Variants in WDR70 observed in about 807,000 individuals in gnomAD.
WDR70 encodes WD repeat-containing protein 70.
Under a neutral mutation model 88.6 loss-of-function variants are expected in WDR70, and 53 were observed. The ratio of observed to expected loss-of-function variants is 0.60; its 90% CI spans 0.48 to 0.75. WDR70 has a LOEUF of 0.75. Ranked by LOEUF, WDR70 falls within the 30% of genes least tolerant of loss-of-function variation. WDR70 has a pLI of 0.00. For synonymous variants in WDR70, 280 were observed against 270.0 expected, an observed-to-expected ratio of 1.04 and a Z score of -0.36; for missense variants, 610 against 823.2, an observed-to-expected ratio of 0.74 and a Z score of 3.17.
intron 10 of WDR70, among the ~76,000 whole-genome samples, chr5:37,695,869 G>A (rs1275610243): frequency 6.6e-6 from 1 of 152,074 alleles, no homozygotes; most frequent in Non-Finnish European, 1.5e-5. Flanking sequence ...TAAAAATTCG[G>A]CTTACCACAG....
chr5:37,629,214 T>G (rs1202071024), intron 10 of WDR70, among the ~76,000 whole-genome samples: 1 of 152,196 alleles, frequency 6.6e-6, no homozygotes, highest in African/African-American at 2.4e-5. Flanking sequence ...TGGAATTCTT[T>G]GTCTTTTACT....
intron 9 of WDR70, among the ~76,000 whole-genome samples, chr5:37,537,835 A>G (rs1437609939): frequency 2.6e-5 from 4 of 152,290 alleles, no homozygotes; most frequent in South Asian, 2.1e-4. Flanking sequence ...TTTCCTTCAT[A>G]CTGGAAAACT....
At chr5:37,511,925 T>C (rs1001701883) in intron 8 of WDR70, among the ~76,000 whole-genome samples, 4 of 152,202 alleles carry the variant, frequency 2.6e-5, no homozygotes, top group African/African-American at 7.2e-5. Flanking sequence ...TATTTACAGT[T>C]CTTTTGGTCT....
intron 3 of WDR70, among the ~76,000 whole-genome samples, chr5:37,390,177 G>A (rs1324269288): frequency 6.6e-6 from 1 of 150,850 alleles, no homozygotes; most frequent in Non-Finnish European, 1.5e-5. Context: ...TTATCAGAGG[G>A]AAAAAAGTTA....
intron 7 of WDR70, among the ~76,000 whole-genome samples, chr5:37,469,008 C>T (rs1293631021): frequency 5.3e-5 from 8 of 152,116 alleles, no homozygotes; most frequent in African/African-American, 1.9e-4. Context: ...ATAGTCCTAT[C>T]CTCACAGAAC....
intron 9 of WDR70, among the ~76,000 whole-genome samples, chr5:37,593,262 C>G (rs1445066019): frequency 6.6e-6 from 1 of 152,168 alleles, no homozygotes; most frequent in African/African-American, 2.4e-5. Context: ...CACCCATGAA[C>G]ACGTCATTTA....
chr5:37,502,377 T>G (rs1448784313), intron 8 of WDR70, among the ~76,000 whole-genome samples: 1 of 152,160 alleles, frequency 6.6e-6, no homozygotes, highest in Non-Finnish European at 1.5e-5. Context: ...GAGGTGGGGA[T>G]TCTTTTCAAC....
chr5:37,692,468 A>C (rs1746828639), intron 10 of WDR70, among the ~76,000 whole-genome samples: 1 of 152,218 alleles, frequency 6.6e-6, no homozygotes. Flanking sequence ...AATCCTCAGT[A>C]AAATACTGGC....
At chr5:37,662,384 A>G (rs937129421) in intron 10 of WDR70, among the ~76,000 whole-genome samples, 1 of 152,164 alleles carries the variant, frequency 6.6e-6, no homozygotes, top group Admixed American at 6.5e-5. Flanking sequence ...TTAGATTTCA[A>G]CTTAAGAAAG....
Position 37,535,263 on chromosome 5 carries a change from G to A in WDR70, c.917+18673G>A, listed in dbSNP as rs1281789500. On this transcript the variant is annotated intron_variant, in intron 9 of 17. Coordinates refer to ENST00000265107, the MANE Select transcript of WDR70 (RefSeq NM_018034.4). Reference sequence around the variant, plus strand: ...TTGAGGCTTAAATTATGCAAAGGAGGCAGCCACAGGGAAAGAACTTTTCCT... The same window carrying A: ...TTGAGGCTTAAATTATGCAAAGGAGACAGCCACAGGGAAAGAACTTTTCCT... Among the ~76,000 whole-genome samples the A allele has an allele frequency of 3.9e-5, 6 of 151,978 alleles. No homozygotes were observed. In the East Asian group the frequency reaches 1.2e-3, roughly 29 times the overall value.
At chr5:37,537,466 A>G (rs1037520409) in intron 9 of WDR70, among the ~76,000 whole-genome samples, 3 of 152,182 alleles carry the variant, frequency 2.0e-5, no homozygotes, top group South Asian at 2.1e-4. Context: ...TTGAGCTATC[A>G]ATATTTAAAA....
intron 8 of WDR70, among the ~76,000 whole-genome samples, chr5:37,482,412 G>A (rs1429409075): frequency 6.6e-6 from 1 of 152,312 alleles, no homozygotes; most frequent in East Asian, 1.9e-4. Flanking sequence ...AGATGGAAAA[G>A]CATGTCTCAC....
intron 9 of WDR70, among the ~76,000 whole-genome samples, chr5:37,543,514 A>AAG (rs138919832): frequency 6.6e-6 from 1 of 151,372 alleles, no homozygotes; most frequent in Non-Finnish European, 1.5e-5. Context: ...TATGGAGAGA[A>AAG]AGAGAGAGAG....
At position 37,660,100 on chromosome 5, in the gene WDR70, GTTAA is replaced by G. The variant is rs566448883; in HGVS notation, c.1093-37549_1093-37546del. ...GGTTTCTAATATTAATCTGTTGATT[GTTAA>G]TTAATCTGTTAATTGATAGAAATCA... On this transcript the variant is annotated intron_variant, in intron 10 of 17. Coordinates refer to ENST00000265107, the MANE Select transcript of WDR70 (RefSeq NM_018034.4). Among the ~76,000 whole-genome samples the G allele has an allele frequency of 3.2e-3, 487 of 152,174 alleles. 1 individual carries two copies. Among genetic ancestry groups the G allele is most frequent in the African/African-American group, 0.01 (423 of 41,542 alleles).
At chr5:37,559,861 C>A (rs1432131193) in intron 9 of WDR70, among the ~76,000 whole-genome samples, 1 of 148,542 alleles carries the variant, frequency 6.7e-6, no homozygotes, top group Non-Finnish European at 1.5e-5. Flanking sequence ...AAAAAAAAAA[C>A]TTTTTGAAAG....
intron 7 of WDR70, chr5:37,479,567 C>T (rs1160473498): frequency 1.5e-5 from 4 of 262,898 alleles, no homozygotes; most frequent in Non-Finnish European, 2.9e-5. Context: ...GATGGGGTTT[C>T]ACCATGTTGG....
At position 37,753,334 on chromosome 5, in the gene WDR70, A is replaced by G. The variant is rs1360430810; in HGVS notation, c.*761A>G. 1 of 152,208 alleles carries G rather than the reference A, an allele frequency of 6.6e-6. No homozygotes were observed. Among genetic ancestry groups the G allele is most frequent in the Non-Finnish European group, 1.5e-5 (1 of 68,032 alleles). 9.4% of individuals were successfully genotyped at this position (152,208 alleles called of 1,614,324 possible). ...TTTGCTATTTTAAAATAGGGCTAATATTTACTTTGCTTGGTTTTTATCAGT... is the reference window on the plus strand; with the variant it reads ...TTTGCTATTTTAAAATAGGGCTAATGTTTACTTTGCTTGGTTTTTATCAGT... On this transcript the variant is annotated 3_prime_UTR_variant, in exon 18 of 18. Coordinates refer to ENST00000265107, the MANE Select transcript of WDR70 (RefSeq NM_018034.4).
At chr5:37,532,347 A>C (rs1023783562) in intron 9 of WDR70, among the ~76,000 whole-genome samples, 1 of 152,192 alleles carries the variant, frequency 6.6e-6, no homozygotes, top group Non-Finnish European at 1.5e-5. Flanking sequence ...ATTCCCTCAA[A>C]TATGTTTTCC....
chr5:37,591,930 A>G (rs1315222214), intron 9 of WDR70, among the ~76,000 whole-genome samples: 4 of 152,250 alleles, frequency 2.6e-5, no homozygotes, highest in Non-Finnish European at 5.9e-5. Flanking sequence ...AAGGTATATC[A>G]TCATCTCAAT....
Sources: allele counts gnomAD v4.1 joint callset (sites outside exome capture counted in the v4.1 genomes callset), GRCh38; gene constraint gnomAD v4.1.1; transcripts MANE v1.5; gene names NCBI Gene and HGNC (gene_info 2026-07-23, HGNC 2026-07-21).